CHN1: variants seen among roughly 807,000 people sequenced by gnomAD.
The protein encoded by CHN1 is N-chimaerin.
CHN1 carries 37 observed loss-of-function variants against 59.5 expected under a neutral mutation model. That is an observed-to-expected ratio of 0.62 (90% confidence interval 0.48 to 0.82). The LOEUF (loss-of-function observed/expected upper bound fraction) is 0.82, where lower values mean the gene tolerates loss of function less well. CHN1 is among the 40% of genes least tolerant of loss of function. The pLI is 0.00. For missense variants in CHN1, 469 were observed against 571.0 expected (o/e 0.82, Z 1.82); for synonymous variants, 206 against 200.4 (o/e 1.03, Z -0.24).
rs185472447 is a variant in CHN1 at position 174,947,405 on chromosome 2, G to A, written c.59-2462C>T. ...AGGATAAAGCTCTGTTTCATAACGA[G>A]GAACTTTTAGACAAATGCCTCCTGA... On this transcript the variant is annotated intron_variant, in intron 2 of 12. Transcript: ENST00000409900. Among the ~76,000 whole-genome samples the A allele has an allele frequency of 1.8e-4, 27 of 151,948 alleles. No homozygotes were observed. The Middle Eastern group carries it at 0.01, about 57-fold the overall frequency.
At chr2:174,999,984 T>C (rs1374643378) in intron 1 of CHN1, among the ~76,000 whole-genome samples, 1 of 152,200 alleles carries the variant, frequency 6.6e-6, no homozygotes, top group Non-Finnish European at 1.5e-5. Flanking sequence ...AGTGCCAACA[T>C]TCCTCTACAG....
At chr2:174,899,291 T>A (rs1688315006) in intron 5 of CHN1, among the ~76,000 whole-genome samples, 1 of 152,172 alleles carries the variant, frequency 6.6e-6, no homozygotes, top group African/African-American at 2.4e-5. Context: ...ATAAAAATAG[T>A]AGCAATTACA....
At chr2:174,962,673 G>C (rs1177831122) in intron 1 of CHN1, among the ~76,000 whole-genome samples, 30 of 82,846 alleles carry the variant, frequency 3.6e-4, no homozygotes, top group African/African-American at 1.2e-3. Flanking sequence ...CGGGGGGGGG[G>C]GGGGGGGGGG....
intron 5 of CHN1, among the ~76,000 whole-genome samples, chr2:174,892,510 T>C (rs1268461093): frequency 2.6e-5 from 4 of 152,168 alleles, no homozygotes; most frequent in Non-Finnish European, 5.9e-5. Context: ...ATGCCAGTAG[T>C]ATGAGAAATA....
intron 11 of CHN1, among the ~76,000 whole-genome samples, chr2:174,806,713 G>A (rs970475021): frequency 1.3e-5 from 2 of 152,042 alleles, no homozygotes; most frequent in African/African-American, 2.4e-5. Flanking sequence ...TAAAGTGCTC[G>A]GCAGGATTCA....
At chr2:174,981,388 C>A (rs1447074477) in intron 1 of CHN1, among the ~76,000 whole-genome samples, 1 of 152,154 alleles carries the variant, frequency 6.6e-6, no homozygotes, top group Non-Finnish European at 1.5e-5. Context: ...GAACCATTAT[C>A]TTTTGTTACT....
intron 11 of CHN1, among the ~76,000 whole-genome samples, chr2:174,802,372 T>C (rs1684752782): frequency 6.6e-6 from 1 of 152,242 alleles, no homozygotes; most frequent in Non-Finnish European, 1.5e-5. Flanking sequence ...TTACACTGTT[T>C]TAAATTACTT....
At chr2:174,926,114 G>C (rs1432722343) in intron 3 of CHN1, among the ~76,000 whole-genome samples, 1 of 151,862 alleles carries the variant, frequency 6.6e-6, no homozygotes, top group Non-Finnish European at 1.5e-5. Context: ...CTGAACAGCA[G>C]ATCAATCATT....
chr2:174,955,187 T>G (rs369188761), intron 1 of CHN1, among the ~76,000 whole-genome samples: 1 of 103,592 alleles, frequency 9.7e-6, no homozygotes, highest in Admixed American at 1.1e-4. Flanking sequence ...TCTATATCTA[T>G]ATATATATAT....
intron 5 of CHN1, among the ~76,000 whole-genome samples, chr2:174,910,693 T>C (rs1688670440): frequency 1.3e-5 from 2 of 152,076 alleles, no homozygotes; most frequent in South Asian, 4.1e-4. Flanking sequence ...TTTATACCCA[T>C]AAATTGTTTG....
chr2:174,908,598 G>T (rs964445061), intron 5 of CHN1, among the ~76,000 whole-genome samples: 1 of 152,036 alleles, frequency 6.6e-6, no homozygotes, highest in African/African-American at 2.4e-5. Context: ...TTTCTTCTTC[G>T]CAAAATACTT....
intron 6 of CHN1, among the ~76,000 whole-genome samples, chr2:174,868,695 TG>T (rs1366648333): frequency 1.3e-5 from 2 of 152,084 alleles, no homozygotes; most frequent in Non-Finnish European, 2.9e-5. Flanking sequence ...AATCCACCCA[TG>T]GGAGGCTGCT....
chr2:174,990,109 C>G (rs1020901564), intron 1 of CHN1, among the ~76,000 whole-genome samples: 49 of 152,074 alleles, frequency 3.2e-4, no homozygotes, highest in African/African-American at 1.2e-3. Flanking sequence ...GCATCTTGAG[C>G]TGAATAAGGT....
chr2:174,895,049 GCA>G lies in CHN1; in HGVS notation c.261-16923_261-16922del, dbSNP rs751627983. On this transcript the variant is annotated intron_variant, in intron 5 of 12. Transcript: ENST00000409900. ...ATAGTATATACACACACACACGCGC[GCA>G]CACACACACACACACACACAAAGGG... is the stretch of plus-strand genomic sequence containing the variant. 4.0e-4 allele frequency among the ~76,000 whole-genome samples: 52 copies of G among 129,206 alleles called. No homozygotes were observed. The Middle Eastern group carries it at 0.015, about 37-fold the overall frequency. 84.8% of individuals were successfully genotyped at this position (129,206 alleles called of 152,430 possible).
At chr2:174,869,182 A>G (rs1031284169) in intron 6 of CHN1, among the ~76,000 whole-genome samples, 1 of 152,214 alleles carries the variant, frequency 6.6e-6, no homozygotes, top group East Asian at 1.9e-4. Context: ...AATTTACTGA[A>G]GCATTTATTA....
intron 1 of CHN1, among the ~76,000 whole-genome samples, chr2:174,984,214 T>C (rs1390450132): frequency 1.3e-5 from 2 of 152,154 alleles, no homozygotes; most frequent in Non-Finnish European, 2.9e-5. Context: ...ATGAATCTGC[T>C]CTGTGTGCTA....
chr2:174,955,545 G>A (rs903748993), intron 1 of CHN1, among the ~76,000 whole-genome samples: 13 of 151,748 alleles, frequency 8.6e-5, no homozygotes, highest in African/African-American at 1.9e-4. Context: ...TACAATGCTC[G>A]GGTGATAGGT....
intron 9 of CHN1, chr2:174,812,079 T>A: frequency 2.6e-6 from 1 of 380,958 alleles, no homozygotes; most frequent in Non-Finnish European, 4.6e-6. Flanking sequence ...CATCTATAAA[T>A]ATATTTTTAT....
At chr2:174,938,024 T>C (rs1263687125) in intron 3 of CHN1, among the ~76,000 whole-genome samples, 2 of 151,948 alleles carry the variant, frequency 1.3e-5, no homozygotes, top group Non-Finnish European at 2.9e-5. Flanking sequence ...CAAATCTAAT[T>C]CCTCAGTTAA....
Sources: gnomAD v4.1 joint callset for allele counts (sites outside exome capture counted in the v4.1 genomes callset) on GRCh38, gnomAD v4.1.1 for gene constraint, MANE v1.5 for transcripts, NCBI Gene and HGNC (gene_info 2026-07-23, HGNC 2026-07-21) for gene names.